MAST4: variants seen among roughly 807,000 people sequenced by gnomAD.
The protein encoded by MAST4 is microtubule associated serine/threonine kinase family member 4.
In MAST4, 89 loss-of-function variants were observed where a neutral mutation model predicts 162.7. The observed-to-expected ratio is 0.55, with a 90% CI of 0.46 to 0.65. MAST4 has a LOEUF of 0.65. Among genes scored for constraint, MAST4 ranks in the 30% least tolerant of loss-of-function variants. The probability of loss-of-function intolerance (pLI) is 0.00; values close to 1 mark genes in which losing one functional copy is unlikely to be tolerated. For missense variants in MAST4, 3,153 were observed against 3,374.0 expected, an observed-to-expected ratio of 0.93 and a Z score of 1.62; for synonymous variants, 1,479 against 1,361.1, an observed-to-expected ratio of 1.09 and a Z score of -1.91.
chr5:66,948,153 C>T (rs1744251945), intron 4 of MAST4, among the ~76,000 whole-genome samples: 1 of 152,034 alleles, frequency 6.6e-6, no homozygotes, highest in Non-Finnish European at 1.5e-5. Flanking sequence ...GACTAAGTTC[C>T]CAAGTTGGCT....
intron 1 of MAST4, among the ~76,000 whole-genome samples, chr5:66,739,260 A>G (rs920743326): frequency 6.6e-6 from 1 of 152,238 alleles, no homozygotes; most frequent in African/African-American, 2.4e-5. Context: ...AAATTATGTT[A>G]CACTTCCTTC....
intron 4 of MAST4, among the ~76,000 whole-genome samples, chr5:67,026,730 T>G (rs1414556593): frequency 6.6e-6 from 1 of 152,156 alleles, no homozygotes; most frequent in African/African-American, 2.4e-5. Flanking sequence ...TCATAGCCCC[T>G]TAGGCACACT....
intron 1 of MAST4, among the ~76,000 whole-genome samples, chr5:66,744,917 G>A (rs546455891): frequency 8.5e-5 from 13 of 152,198 alleles, no homozygotes; most frequent in African/African-American, 2.6e-4. Flanking sequence ...TTTTGGCTTC[G>A]ATGCATGTTA....
chr5:66,889,473 G>C (rs140629819), intron 3 of MAST4, among the ~76,000 whole-genome samples: 2 of 152,300 alleles, frequency 1.3e-5, no homozygotes, highest in African/African-American at 2.4e-5. Context: ...GCTAGCATTG[G>C]TGTTTGATCT....
rs77849809 is a variant in MAST4, at chr5:66,949,446, G to A, written c.674+49464G>A. Reference sequence around the variant, plus strand: ...ATATAAGGGGCTTCCGCCTTCACTCGGCACTTCTTTTTCCTGCTGCAATGT... The same window carrying A: ...ATATAAGGGGCTTCCGCCTTCACTCAGCACTTCTTTTTCCTGCTGCAATGT... On this transcript the variant is annotated intron_variant, in intron 4 of 28. Transcript: ENST00000403625. 4.5e-3 allele frequency among the ~76,000 whole-genome samples: 679 copies of A among 152,168 alleles called. 4 individuals carry two copies. Among genetic ancestry groups the A allele is most frequent in the Non-Finnish European group, 7.0e-3 (473 of 67,988 alleles).
chr5:66,690,795 C>A (rs1021552429), intron 1 of MAST4, among the ~76,000 whole-genome samples: 1 of 152,156 alleles, frequency 6.6e-6, no homozygotes, highest in South Asian at 2.1e-4. Context: ...ACTTTGATAA[C>A]CTCATTCCTG....
chr5:67,072,456 T>C (rs954314146), intron 5 of MAST4, among the ~76,000 whole-genome samples: 26 of 152,322 alleles, frequency 1.7e-4, no homozygotes, highest in Admixed American at 3.9e-4. Flanking sequence ...TGTCTTACTT[T>C]AGTGAAATAC....
intron 1 of MAST4, among the ~76,000 whole-genome samples, chr5:66,615,158 T>C (rs542254179): frequency 6.4e-4 from 98 of 151,982 alleles, no homozygotes; most frequent in Non-Finnish European, 1.1e-3. Flanking sequence ...TTTGTTTGTT[T>C]TGAGGGAAGA....
rs948418779 is a variant in MAST4, at chr5:66,733,763, T to G, written c.364-25946T>G. ...CATGAGCCACTGCGCCCAGCCAACT[T>G]GTGTTTTTTTTTTAAAGTGAAATTA... is the stretch of plus-strand genomic sequence containing the variant. On this transcript the variant is annotated intron_variant, in intron 1 of 28. Coordinates refer to ENST00000403625, the MANE Select transcript of MAST4 (RefSeq NM_001164664.2). Among the ~76,000 whole-genome samples, 3 of 62,434 alleles carry G rather than the reference T, an allele frequency of 4.8e-5. No individual in the cohort carries two copies. The East Asian group carries it at 2.1e-3, about 43-fold the overall frequency. 41.0% of individuals were successfully genotyped at this position (62,434 alleles called of 152,430 possible).
chr5:67,103,512 GGGA>G (rs1380673435), intron 9 of MAST4, among the ~76,000 whole-genome samples: 2 of 152,134 alleles, frequency 1.3e-5, no homozygotes, highest in Admixed American at 1.3e-4. Flanking sequence ...GATATTAGAG[GGGA>G]GGAGGAGGGA....
chr5:66,653,466 T>A (rs1022301219), intron 1 of MAST4, among the ~76,000 whole-genome samples: 1 of 152,204 alleles, frequency 6.6e-6, no homozygotes, highest in Non-Finnish European at 1.5e-5. Context: ...CATTGCCTAC[T>A]CAGCCTGTGG....
At chr5:66,617,713 A>G (rs898829526) in intron 1 of MAST4, among the ~76,000 whole-genome samples, 7 of 152,214 alleles carry the variant, frequency 4.6e-5, no homozygotes, top group South Asian at 4.2e-4. Flanking sequence ...TCTTGTCCAC[A>G]TGCATGCTCA....
chr5:66,742,464 T>TA (rs1321482261), intron 1 of MAST4, among the ~76,000 whole-genome samples: 2 of 151,994 alleles, frequency 1.3e-5, no homozygotes, highest in Non-Finnish European at 1.5e-5. Context: ...TAGACATGGT[T>TA]AAAAAAACAA....
chr5:66,675,605 A>T (rs958967794), intron 1 of MAST4, among the ~76,000 whole-genome samples: 2 of 152,142 alleles, frequency 1.3e-5, no homozygotes, highest in African/African-American at 4.8e-5. Flanking sequence ...ATCTCCAGGG[A>T]GTGATCCTGG....
chr5:66,934,584 T>G (rs1742516239), intron 4 of MAST4, among the ~76,000 whole-genome samples: 2 of 152,320 alleles, frequency 1.3e-5, no homozygotes, highest in Admixed American at 6.5e-5. Flanking sequence ...CTGAATTTTT[T>G]TTTTTCAGAT....
At chr5:66,996,289 T>A (rs554495610) in intron 4 of MAST4, among the ~76,000 whole-genome samples, 62 of 151,968 alleles carry the variant, frequency 4.1e-4, no homozygotes, top group South Asian at 1.2e-3. Flanking sequence ...CAAAAAAATA[T>A]ATATATATAT....
intron 1 of MAST4, among the ~76,000 whole-genome samples, chr5:66,630,127 C>T (rs4700143): frequency 0.76 from 116,102 of 152,084 alleles, 45,524 homozygotes; most frequent in African/African-American, 0.93. Flanking sequence ...TCTAGACCAA[C>T]CAAATCAGAC....
chr5:66,991,740 G>T (rs531649239), intron 4 of MAST4, among the ~76,000 whole-genome samples: 1 of 152,226 alleles, frequency 6.6e-6, no homozygotes, highest in South Asian at 2.1e-4. Flanking sequence ...GGGAGAGAAA[G>T]GACTCTGGCA....
intron 3 of MAST4, among the ~76,000 whole-genome samples, chr5:66,797,490 G>GC (rs1210295510): frequency 2.6e-5 from 4 of 152,294 alleles, no homozygotes; most frequent in Non-Finnish European, 4.4e-5. Flanking sequence ...GAATCAGTGT[G>GC]TTCCCCAGGA....
Sources: allele counts gnomAD v4.1 joint callset (sites outside exome capture counted in the v4.1 genomes callset), GRCh38; gene constraint gnomAD v4.1.1; transcripts MANE v1.5; gene names NCBI Gene and HGNC (gene_info 2026-07-23, HGNC 2026-07-21).